SMCO4: variants seen among roughly 807,000 people sequenced by gnomAD.
SMCO4 encodes single-pass membrane protein with coiled-coil domains 4, also known as single-pass membrane and coiled-coil domain-containing protein 4.
In SMCO4, 4 loss-of-function variants were observed where a neutral mutation model predicts 3.6. The ratio of observed to expected loss-of-function variants is 1.11; its 90% CI spans 0.54 to 2.53. SMCO4 has a LOEUF of 2.53. Ranked by LOEUF, SMCO4 falls within the 30% of genes most tolerant of loss-of-function variation. SMCO4 has a pLI of 0.02. For missense variants in SMCO4, 70 were observed against 80.8 expected (o/e 0.87, Z 0.51); for synonymous variants, 36 against 35.3 (o/e 1.02, Z -0.07).
At chr11:93,500,289 T>C (rs1343042858) in intron 1 of SMCO4, among the ~76,000 whole-genome samples, 1 of 152,226 alleles carries the variant, frequency 6.6e-6, no homozygotes, top group Non-Finnish European at 1.5e-5. Context: ...CTGGGCCAGA[T>C]GGTCTCAGAT....
intron 1 of SMCO4, among the ~76,000 whole-genome samples, chr11:93,531,739 T>A (rs1468586318): frequency 1.3e-5 from 2 of 152,074 alleles, no homozygotes; most frequent in African/African-American, 4.8e-5. Context: ...GAAAGGAAAA[T>A]AAATCTTGGG....
At chr11:93,552,016 T>TTGAGGGGTGAAAAA in the SMCO4 span, among the ~76,000 whole-genome samples, 8 of 152,212 alleles carry the variant, frequency 5.3e-5, no homozygotes, top group East Asian at 1.5e-3. Flanking sequence ...AGTTTACTTT[T>TTGAGGGGTGAAAAA]TGAGGGGTGA....
chr11:93,479,243 C>T lies in SMCO4; in HGVS notation c.-54G>A. ...TCCAGAGGGATTCCAGGAAGGGCCA[C>T]ACTCCTCTTGCCAAGGCTGGAACCT... On this transcript the variant is annotated 5_prime_UTR_variant, in exon 3 of 3. In the 5' UTR this introduces an upstream ATG that the reference lacks. Coordinates refer to ENST00000298966, the MANE Select transcript of SMCO4 (RefSeq NM_020179.3). 6.3e-7 allele frequency: 1 copy of T among 1,581,786 alleles called. No individual in the cohort carries two copies. Among genetic ancestry groups the T allele is most frequent in the African/African-American group, 1.3e-5 (1 of 74,352 alleles).
At chr11:93,543,475 C>G (rs1260310362), upstream of SMCO4, 7 of 152,604 alleles carry the variant, frequency 4.6e-5, no homozygotes, top group African/African-American at 1.7e-4. Flanking sequence ...CTGGCTGCCC[C>G]CGCCCGGGCC....
At chr11:93,500,472 T>C (rs951712584) in intron 1 of SMCO4, among the ~76,000 whole-genome samples, 139 of 152,316 alleles carry the variant, frequency 9.1e-4, no homozygotes, top group East Asian at 3.9e-4. Context: ...ATCACAAACT[T>C]ACCTACTGTG....
At chr11:93,534,966 C>G (rs1949205562) in intron 1 of SMCO4, among the ~76,000 whole-genome samples, 1 of 152,200 alleles carries the variant, frequency 6.6e-6, no homozygotes, top group Non-Finnish European at 1.5e-5. Context: ...TAATCACATG[C>G]AACTAGAAGA....
intron 1 of SMCO4, among the ~76,000 whole-genome samples, chr11:93,525,801 G>C (rs1007630853): frequency 6.6e-6 from 1 of 152,114 alleles, no homozygotes; most frequent in African/African-American, 2.4e-5. Context: ...AACAAGACAG[G>C]GCCACTGACT....
the SMCO4 span, among the ~76,000 whole-genome samples, chr11:93,549,038 T>C: frequency 6.7e-3 from 1,021 of 152,200 alleles, 11 homozygotes; most frequent in African/African-American, 0.023. Flanking sequence ...AAAGTTGGGG[T>C]TTTTCCGTTT....
chr11:93,536,675 G>C (rs983952195), intron 1 of SMCO4, among the ~76,000 whole-genome samples: 3 of 152,202 alleles, frequency 2.0e-5, no homozygotes, highest in Non-Finnish European at 4.4e-5. Context: ...GGCACCTGGG[G>C]AGGGGTGCTG....
intron 1 of SMCO4, among the ~76,000 whole-genome samples, chr11:93,539,939 C>T (rs1313470881): frequency 1.3e-5 from 2 of 151,500 alleles, no homozygotes; most frequent in East Asian, 3.9e-4. Context: ...TATCTTTTCC[C>T]TGTCCAACAA....
At chr11:93,505,117 GC>G (rs1352754496) in intron 1 of SMCO4, among the ~76,000 whole-genome samples, 3 of 152,220 alleles carry the variant, frequency 2.0e-5, no homozygotes, top group African/African-American at 7.2e-5. Context: ...ATGCAGCTGG[GC>G]AAATGGACAT....
chr11:93,544,024 A>C (rs1344240773), upstream of SMCO4, among the ~76,000 whole-genome samples: 1 of 152,222 alleles, frequency 6.6e-6, no homozygotes, highest in Non-Finnish European at 1.5e-5. Context: ...CAAGAGGCCC[A>C]CGGCTAAATG....
chr11:93,544,949 C>T (rs760214938), upstream of SMCO4, among the ~76,000 whole-genome samples: 1 of 152,136 alleles, frequency 6.6e-6, no homozygotes, highest in South Asian at 2.1e-4. Flanking sequence ...GAGGGGAACA[C>T]GCGTGTGTGA....
At chr11:93,540,500 C>T (rs1042045183) in intron 1 of SMCO4, among the ~76,000 whole-genome samples, 4 of 152,166 alleles carry the variant, frequency 2.6e-5, no homozygotes, top group Admixed American at 2.6e-4. Context: ...TTAGGGAGCC[C>T]GTTAAGAGTT....
the SMCO4 span, among the ~76,000 whole-genome samples, chr11:93,551,907 A>G: frequency 6.6e-6 from 1 of 152,278 alleles, no homozygotes; most frequent in East Asian, 1.9e-4. Flanking sequence ...CTGAAACTTG[A>G]AGGAATCCAT....
chr11:93,530,748 C>A (rs1010409250), intron 1 of SMCO4, among the ~76,000 whole-genome samples: 1 of 152,178 alleles, frequency 6.6e-6, no homozygotes, highest in Non-Finnish European at 1.5e-5. Context: ...CACACAGAAT[C>A]CTCTTCCTCC....
At chr11:93,519,063 CT>C (rs1949034332) in intron 1 of SMCO4, among the ~76,000 whole-genome samples, 1 of 152,222 alleles carries the variant, frequency 6.6e-6, no homozygotes. Flanking sequence ...GTCAGCACTA[CT>C]TAAGAATGGC....
intron 2 of SMCO4, among the ~76,000 whole-genome samples, chr11:93,496,438 G>T (rs1057455526): frequency 1.3e-5 from 2 of 152,178 alleles, no homozygotes; most frequent in African/African-American, 4.8e-5. Context: ...CCTAGAAAGG[G>T]ACTATGGTAG....
intron 2 of SMCO4, 144 bp downstream of exon 2, chr11:93,499,132 T>C (rs1948809261): frequency 1.3e-5 from 2 of 152,120 alleles, no homozygotes; most frequent in African/African-American, 2.4e-5. Context: ...TGGCATTTGA[T>C]AAAGATCTTG....
Sources: allele counts gnomAD v4.1 joint callset (sites outside exome capture counted in the v4.1 genomes callset), GRCh38; gene constraint gnomAD v4.1.1; transcripts MANE v1.5; gene names NCBI Gene and HGNC (gene_info 2026-07-23, HGNC 2026-07-21).